The following ETFA variants were observed in gnomAD, a reference collection of about 807,000 sequenced individuals.
ETFA encodes electron transfer flavoprotein subunit alpha.
Under a neutral mutation model 46.2 loss-of-function variants are expected in ETFA, and 22 were observed. The ratio of observed to expected loss-of-function variants is 0.48; its 90% confidence interval spans 0.34 to 0.68. ETFA has a LOEUF of 0.68. ETFA is among the 30% of genes least tolerant of loss of function. The pLI is 0.01. For missense variants in ETFA, 345 were observed against 401.1 expected (o/e 0.86, Z 1.19); for synonymous variants, 131 against 139.9 (o/e 0.94, Z 0.45).
chr15:76,247,112 T>G (rs556696949), intron 9 of ETFA, among the ~76,000 whole-genome samples: 1 of 152,316 alleles, frequency 6.6e-6, no homozygotes, highest in East Asian at 1.9e-4. Context: ...AATCTATACA[T>G]CCAATGTTCC....
At chr15:76,266,745 T>C (rs1276431137) in intron 9 of ETFA, among the ~76,000 whole-genome samples, 3 of 151,904 alleles carry the variant, frequency 2.0e-5, no homozygotes, top group Admixed American at 6.6e-5. Context: ...CTACTAAAAA[T>C]ACAAAAAAAT....
At chr15:76,262,777 G>A (rs893974914) in intron 9 of ETFA, among the ~76,000 whole-genome samples, 11 of 151,740 alleles carry the variant, frequency 7.2e-5, no homozygotes, top group South Asian at 2.1e-4. Context: ...CACCACACCC[G>A]GCCTATCATA....
chr15:76,287,942 G>A lies in ETFA; in HGVS notation c.355C>T (p.Leu119Phe). 1 of 1,612,116 alleles carries A rather than the reference G, an allele frequency of 6.2e-7. No homozygotes were observed. The highest frequency in any genetic ancestry group is 8.5e-7 in the Non-Finnish European group (1 of 1,178,254). Residue 119 changes from leucine to phenylalanine, a missense_variant, in exon 5 of 12, where the codon CTT (leucine) becomes TTT (phenylalanine). Leu to Phe is a conservative substitution (Grantham distance 22). Coordinates refer to ENST00000557943, the MANE Select transcript of ETFA (RefSeq NM_000126.4). ...CAGASAFGKNLLPRVAAKLEV... is the reference protein window; with the variant it reads ...CAGASAFGKNFLPRVAAKLEV... ...AGTTTGGCTGCTACTCTGGGCAAAA[G>A]GTTCTAAAAGCAAAATAAGCAGTGA...
chr15:76,304,661 CA>C (rs796277864), intron 1 of ETFA, among the ~76,000 whole-genome samples: 18,161 of 87,052 alleles, frequency 0.21, 1,093 homozygotes, highest in African/African-American at 0.31. Context: ...GACTCTATTT[CA>C]AAAAAAAAAA....
chr15:76,260,453 G>A (rs909167582), intron 9 of ETFA: 289 of 1,579,010 alleles, frequency 1.8e-4, no homozygotes, highest in Non-Finnish European at 2.2e-4. Flanking sequence ...GGCCCTTCTG[G>A]CCTGCATGGT....
At chr15:76,310,914 T>C (rs2039991187) in intron 1 of ETFA, among the ~76,000 whole-genome samples, 1 of 151,250 alleles carries the variant, frequency 6.6e-6, no homozygotes, top group Non-Finnish European at 1.5e-5. Context: ...AGTGTTTAAT[T>C]CTTCCAGAAA....
intron 9 of ETFA, among the ~76,000 whole-genome samples, chr15:76,258,168 A>G (rs1462586501): frequency 7.2e-6 from 1 of 139,364 alleles, no homozygotes; most frequent in Non-Finnish European, 1.5e-5. Context: ...CTTAAAGTAT[A>G]ATAATAAATA....
At position 76,311,333 on chromosome 15, in the gene ETFA, T is replaced by C. The variant is rs1462650411; in HGVS notation, c.39+17A>G. On this transcript the variant is annotated intron_variant, in intron 1 of 11. Coordinates refer to ENST00000557943, the MANE Select transcript of ETFA (RefSeq NM_000126.4). ...CGGGGGGCCGTCCCTGGGTTCGCCT[T>C]CCCAGTCCGGACTCACCGCCCGCCG... 1.3e-6 allele frequency: 2 copies of C among 1,555,056 alleles called. No homozygotes were observed. Among genetic ancestry groups the C allele is most frequent in the Non-Finnish European group, 8.7e-7 (1 of 1,149,860 alleles).
chr15:76,242,270 A>G lies in ETFA; in HGVS notation c.817-10872T>C, dbSNP rs142280948. 5.5e-4 allele frequency among the ~76,000 whole-genome samples: 84 copies of G among 152,348 alleles called. 2 individuals carry two copies. In the East Asian group the frequency reaches 0.014, roughly 26 times the overall value. The stretch of plus-strand genomic sequence containing the variant: ...TCTATGCGATCTCTTTATTTCATCA[A>G]TGATAAAAATCAAGGCCCTGGGAAA... On this transcript the variant is annotated intron_variant, in intron 9 of 11. Coordinates refer to ENST00000557943, the MANE Select transcript of ETFA (RefSeq NM_000126.4).
chr15:76,248,031 AT>A (rs2039260266), intron 9 of ETFA, among the ~76,000 whole-genome samples: 1 of 152,240 alleles, frequency 6.6e-6, no homozygotes, highest in Non-Finnish European at 1.5e-5. Flanking sequence ...TACATTTCCG[AT>A]CAATATTTCA....
At chr15:76,266,229 T>C (rs568862333) in intron 9 of ETFA, among the ~76,000 whole-genome samples, 9 of 152,304 alleles carry the variant, frequency 5.9e-5, no homozygotes, top group East Asian at 1.9e-4. Context: ...ATCTAAAGGA[T>C]TGCTTTTTTT....
chr15:76,227,530 G>GAAAAAAAAAAAAAAAA (rs1567196426), intron 10 of ETFA, among the ~76,000 whole-genome samples: 5 of 44,976 alleles, frequency 1.1e-4, no homozygotes, highest in Admixed American at 2.1e-4. Context: ...AAAAAAAAAG[G>GAAAAAAAAAAAAAAAA]AAAAGCTATC....
intron 8 of ETFA, among the ~76,000 whole-genome samples, chr15:76,279,505 A>G (rs898461152): frequency 2.6e-5 from 4 of 152,070 alleles, no homozygotes; most frequent in African/African-American, 9.7e-5. Context: ...TCAAACTCCT[A>G]GGCTTAAGCA....
chr15:76,278,734 T>G (rs1370360699), intron 8 of ETFA, among the ~76,000 whole-genome samples: 1 of 152,198 alleles, frequency 6.6e-6, no homozygotes. Context: ...TGACTTTGCT[T>G]CTTATTCACT....
At chr15:76,261,659 C>A (rs1321161365) in intron 9 of ETFA, 1 of 376,404 alleles carries the variant, frequency 2.7e-6, no homozygotes, top group African/African-American at 2.1e-5. Context: ...CAGCAGGAGC[C>A]CCAGCCGCCC....
intron 11 of ETFA, 126 bp from the exon 12 acceptor site, chr15:76,216,723 C>T (rs1225030507): frequency 4.3e-6 from 3 of 693,608 alleles, no homozygotes; most frequent in African/African-American, 3.5e-5. Flanking sequence ...CGAGGGCCCC[C>T]TCCTCTCCAC....
chr15:76,271,719 C>A (rs2039533315), intron 9 of ETFA, among the ~76,000 whole-genome samples: 3 of 152,150 alleles, frequency 2.0e-5, no homozygotes, highest in Admixed American at 6.5e-5. Context: ...TCCTATATAA[C>A]CTATTTGGGG....
At chr15:76,274,335 G>A in intron 9 of ETFA, 77 bp downstream of exon 9, 1 of 1,104,498 alleles carries the variant, frequency 9.1e-7, no homozygotes, top group South Asian at 1.3e-5. Flanking sequence ...GTAAATCACT[G>A]AGATCACTGT....
chr15:76,260,113 A>C, intron 9 of ETFA: 1 of 1,482,406 alleles, frequency 6.7e-7, no homozygotes, highest in Non-Finnish European at 9.4e-7. Context: ...GGCCTACCGC[A>C]CTGAACCAAA....
Sources: gnomAD v4.1 joint callset for allele counts (sites outside exome capture counted in the v4.1 genomes callset) on GRCh38, gnomAD v4.1.1 for gene constraint, MANE v1.5 for transcripts, NCBI Gene and HGNC (gene_info 2026-07-23, HGNC 2026-07-21) for gene names.